The following PAGE1 variants were observed in gnomAD, a reference collection of about 807,000 sequenced individuals.
PAGE1 encodes P antigen family member 1.
A neutral mutation model predicts 11.5 loss-of-function variants in PAGE1; 6 were observed. That is an observed-to-expected ratio of 0.52 (90% CI 0.29 to 1.03). The LOEUF (loss-of-function observed/expected upper bound fraction) is 1.03. Ranked by LOEUF, PAGE1 falls within the 50% of genes least tolerant of loss-of-function variation. The probability of loss-of-function intolerance (pLI) is 0.09; values close to 1 mark genes in which losing one functional copy is unlikely to be tolerated. For synonymous variants in PAGE1, 42 were observed against 40.2 expected (o/e 1.05, Z -0.17); for missense variants, 120 against 110.2 (o/e 1.09, Z -0.40).
At chrX:49,690,000 T>G (rs868931301) in intron 4 of PAGE1, among the ~76,000 whole-genome samples, 8 of 66,340 alleles carry the variant, frequency 1.2e-4, no homozygotes, top group African/African-American at 2.3e-4. Flanking sequence ...CACATATATA[T>G]GTGTATATAT....
intron 3 of PAGE1, among the ~76,000 whole-genome samples, chrX:49,692,759 G>C (rs1162906340): frequency 9.1e-6 from 1 of 109,702 alleles, no homozygotes; most frequent in Non-Finnish European, 1.9e-5. Flanking sequence ...TTACATGTTT[G>C]TTTTCCTATA....
rs782320636 is a variant in PAGE1, at chrX:49,694,668, G to C, written c.63+40C>G. Reference sequence around the variant, plus strand: ...TTAATTTCTGCTAATAGAAAACATCGAATTAACGTTAAAGCACTCAACAGC... The same window carrying C: ...TTAATTTCTGCTAATAGAAAACATCCAATTAACGTTAAAGCACTCAACAGC... On this transcript the variant is annotated intron_variant, in intron 2 of 5. Coordinates refer to ENST00000376150, the MANE Select transcript of PAGE1 (RefSeq NM_003785.4). 5 of 942,876 alleles carry C rather than the reference G, an allele frequency of 5.3e-6. No individual in the cohort carries two copies. The South Asian group carries it at 1.2e-4, about 23-fold the overall frequency. 77.7% of individuals were successfully genotyped at this position (942,876 alleles called of 1,213,427 possible).
At chrX:49,691,407 A>T (rs782226622) in intron 3 of PAGE1, 33 bp from the exon 4 acceptor site, 1 of 1,138,792 alleles carries the variant, frequency 8.8e-7, no homozygotes, top group East Asian at 3.0e-5. Flanking sequence ...CATTTTAAGC[A>T]GCAACACATG....
At chrX:49,688,685 T>A (rs1557141309) in intron 5 of PAGE1, among the ~76,000 whole-genome samples, 1 of 112,019 alleles carries the variant, frequency 8.9e-6, no homozygotes, top group African/African-American at 3.2e-5. Context: ...AAACTCACTA[T>A]TTTTATAAGA....
chrX:49,687,547 CTG>C lies in PAGE1; in HGVS notation c.433_434del (p.Gln145AlafsTer21). Reference sequence around the variant, plus strand: ...CATTTCAGCGTGTCTTCTTTTAAGGCTGTGATTGCCCTTCATCTGTAACAGAA... The same window carrying C: ...CATTTCAGCGTGTCTTCTTTTAAGGCTGATTGCCCTTCATCTGTAACAGAA... ...KTPEEDEGQS[Q>X]P On this transcript the variant is annotated frameshift_variant, in exon 6 of 6. Coordinates refer to ENST00000376150, the MANE Select transcript of PAGE1 (RefSeq NM_003785.4). LOFTEE classifies it high-confidence loss of function. The C allele has an allele frequency of 8.3e-7, 1 of 1,204,396 alleles. No individual in the cohort carries two copies. The highest frequency in any genetic ancestry group is 1.1e-6 in the Non-Finnish European group (1 of 890,843).
Position 49,689,804 on chromosome X carries a change from AT to A in PAGE1, c.293-262del, listed in dbSNP as rs1216027392. 1.3e-4 allele frequency among the ~76,000 whole-genome samples: 8 copies of A among 62,487 alleles called. No individual in the cohort carries two copies. In the Admixed American group the frequency reaches 1.4e-3, roughly 11 times the overall value. The allele number at this position is 62,487 out of a possible 115,157, so 54.3% of individuals were successfully genotyped here. A position where few individuals can be genotyped will look rare whatever the true frequency, so the allele number is the denominator to read the frequency against. ...TATACACACATATATATGTATATAT[AT>A]GTGTATATACACACATATATGTGTA... On this transcript the variant is annotated intron_variant, in intron 4 of 5. Transcript: ENST00000376150.
chrX:49,688,990 CT>C (rs2066893519), intron 5 of PAGE1, among the ~76,000 whole-genome samples: 1 of 111,621 alleles, frequency 9.0e-6, no homozygotes, highest in Admixed American at 9.6e-5. Flanking sequence ...TTCAAATAAC[CT>C]TTATATAAGA....
At chrX:49,687,709 A>C in intron 5 of PAGE1, 146 bp from the exon 6 acceptor site, 1 of 453,003 alleles carries the variant, frequency 2.2e-6, no homozygotes, top group Non-Finnish European at 3.6e-6. Context: ...TCTTATAGCC[A>C]AGTAAACCTC....
At chrX:49,694,581 T>A in intron 2 of PAGE1, 127 bp downstream of exon 2, 1 of 415,525 alleles carries the variant, frequency 2.4e-6, no homozygotes, top group Non-Finnish European at 4.1e-6. Flanking sequence ...CTTATTTTTT[T>A]AATCAGCATG....
intron 4 of PAGE1, among the ~76,000 whole-genome samples, chrX:49,689,925 TA>T (rs2066908751): frequency 2.1e-3 from 1 of 476 alleles, no homozygotes. Context: ...CACACATATA[TA>T]GGGTGTATAT....
chrX:49,689,686 A>ATATGTG (rs2066902609), intron 4 of PAGE1, 143 bp from the exon 5 acceptor site: 3 of 74,616 alleles, frequency 4.0e-5, no homozygotes, highest in African/African-American at 2.1e-4. Context: ...ATATGTGTGT[A>ATATGTG]TATATATACA....
chrX:49,689,837 T>C (rs868964903), intron 4 of PAGE1, among the ~76,000 whole-genome samples: 2 of 60,705 alleles, frequency 3.3e-5, no homozygotes, highest in South Asian at 2.1e-3. Flanking sequence ...TGTATATATG[T>C]GTGTATATAC....
chrX:49,690,011 A>G (rs781979534), intron 4 of PAGE1, among the ~76,000 whole-genome samples: 1 of 63,113 alleles, frequency 1.6e-5, no homozygotes, highest in Non-Finnish European at 2.7e-5. Flanking sequence ...GTGTATATAT[A>G]TGTGTGTATA....
intron 5 of PAGE1, 82 bp downstream of exon 5, chrX:49,689,336 G>A: frequency 1.1e-6 from 1 of 898,179 alleles, no homozygotes; most frequent in South Asian, 2.7e-5. Flanking sequence ...GCGAGACTCT[G>A]TCTCAAAAAA....
Position 49,689,737 on chromosome X carries a change from CAT to C in PAGE1, c.293-196_293-195del, listed in dbSNP as rs1364296060. Among the ~76,000 whole-genome samples, 3 of 56,221 alleles carry C rather than the reference CAT, an allele frequency of 5.3e-5. No homozygotes were observed. In the East Asian group the frequency reaches 1.9e-3, roughly 36 times the overall value. 48.8% of individuals were successfully genotyped at this position (56,221 alleles called of 115,157 possible). On this transcript the variant is annotated intron_variant, in intron 4 of 5. Coordinates refer to ENST00000376150, the MANE Select transcript of PAGE1 (RefSeq NM_003785.4). ...ATATGTATATATGTATATATACACA[CAT>C]ATATGTATATGTGTATATATACATA...
intron 3 of PAGE1, among the ~76,000 whole-genome samples, chrX:49,693,222 T>G (rs782424452): frequency 1.6e-4 from 18 of 111,731 alleles, no homozygotes; most frequent in African/African-American, 5.8e-4. Flanking sequence ...TAATATTCCA[T>G]AAATGAACCC....
chrX:49,690,360 A>G (rs1158557914), intron 4 of PAGE1, among the ~76,000 whole-genome samples: 1 of 108,630 alleles, frequency 9.2e-6, no homozygotes, highest in Non-Finnish European at 1.9e-5. Flanking sequence ...CTGCCCTCAG[A>G]CAACTTTGTT....
intron 3 of PAGE1, among the ~76,000 whole-genome samples, chrX:49,693,885 G>A (rs1042294212): frequency 2.7e-5 from 3 of 110,936 alleles, no homozygotes; most frequent in African/African-American, 9.8e-5. Context: ...ATAAAGTGGA[G>A]AAATTTTATC....
intron 4 of PAGE1, among the ~76,000 whole-genome samples, chrX:49,690,971 A>G (rs950251514): frequency 2.7e-5 from 3 of 111,472 alleles, no homozygotes; most frequent in Non-Finnish European, 3.8e-5. Flanking sequence ...TGAGGTCAGG[A>G]GTTCGACACC....
Sources: gnomAD v4.1 joint callset for allele counts (sites outside exome capture counted in the v4.1 genomes callset) on GRCh38, gnomAD v4.1.1 for gene constraint, MANE v1.5 for transcripts, NCBI Gene and HGNC (gene_info 2026-07-23, HGNC 2026-07-21) for gene names.